CEP170: variants seen among roughly 807,000 people sequenced by gnomAD.
CEP170 encodes the protein centrosomal protein 170, also known as centrosomal protein of 170 kDa.
Under a neutral mutation model 151.9 loss-of-function variants are expected in CEP170, and 21 were observed. That is an observed-to-expected ratio of 0.14 (90% CI 0.10 to 0.20). The LOEUF (loss-of-function observed/expected upper bound fraction) is 0.20. Among genes scored for constraint, CEP170 ranks in the 10% least tolerant of loss-of-function variants. The probability of loss-of-function intolerance (pLI) is 1.00; values close to 1 mark genes in which losing one functional copy is unlikely to be tolerated. For missense variants in CEP170, 964 were observed against 1,892.9 expected, an observed-to-expected ratio of 0.51 and a Z score of 9.11; for synonymous variants, 356 against 648.8, an observed-to-expected ratio of 0.55 and a Z score of 6.86.
intron 19 of CEP170, among the ~76,000 whole-genome samples, chr1:243,127,983 A>C (rs1263607133): frequency 6.6e-6 from 1 of 152,222 alleles, no homozygotes; most frequent in Non-Finnish European, 1.5e-5. Context: ...ATACATAAAA[A>C]ATTTCAATTA....
At chr1:243,181,789 T>C (rs1333657464) in intron 10 of CEP170, among the ~76,000 whole-genome samples, 1 of 152,230 alleles carries the variant, frequency 6.6e-6, no homozygotes, top group Non-Finnish European at 1.5e-5. Context: ...ATGCTACATA[T>C]TCCTTTGGTT....
rs186119495 is a variant in CEP170, at chr1:243,135,590, T to C, written c.4319+553A>G. On this transcript the variant is annotated intron_variant, in intron 17 of 19. Coordinates refer to ENST00000366542, the MANE Select transcript of CEP170 (RefSeq NM_014812.3). ...TAACATGCCAAGTAAAATTTACCTA[T>C]ATAGGCCAACTTTCTACATTTCCTT... 2.3e-3 allele frequency among the ~76,000 whole-genome samples: 349 copies of C among 152,324 alleles called. 4 individuals are homozygous for C. The highest frequency in any genetic ancestry group is 8.2e-3 in the African/African-American group (339 of 41,578).
In CEP170 at chr1:243,211,795, T is replaced by C. The variant is rs577026583; in HGVS notation, c.274+91A>G. On this transcript the variant is annotated intron_variant, in intron 4 of 19. Transcript: ENST00000366542. The stretch of plus-strand genomic sequence containing the variant: ...ATAAATAGAAATTCTGGCATATCTA[T>C]ATTGTGAATTGTGTTTTAAAAATGT... 8.0e-4 allele frequency: 1,128 copies of C among 1,410,290 alleles called. 4 individuals carry two copies. The highest frequency in any genetic ancestry group is 9.3e-4 in the Non-Finnish European group (947 of 1,022,994). The allele number at this position is 1,410,290 out of a possible 1,614,324, so 87.4% of individuals were successfully genotyped here.
In CEP170 at chr1:243,217,485, AACATGTGT is replaced by A. The variant is rs571917102; in HGVS notation, c.195+4231_195+4238del. Among the ~76,000 whole-genome samples, 217 of 152,346 alleles carry A rather than the reference AACATGTGT, an allele frequency of 1.4e-3. 1 individual carries two copies. Among genetic ancestry groups the A allele is most frequent in the African/African-American group, 5.0e-3 (207 of 41,592 alleles). ...AATATTAAGCACCTGTTGTGTGTTG[AACATGTGT>A]ACTAGGCACTTTCAGAGATCGAGAA... is the stretch of plus-strand genomic sequence containing the variant. On this transcript the variant is annotated intron_variant, in intron 3 of 19. Transcript: ENST00000366542.
At chr1:243,192,350 C>T (rs1165358588) in intron 7 of CEP170, among the ~76,000 whole-genome samples, 2 of 152,014 alleles carry the variant, frequency 1.3e-5, no homozygotes, top group African/African-American at 2.4e-5. Context: ...TCTTCTGTTG[C>T]CTCAGAATCT....
chr1:243,218,436 A>G (rs1301707695), intron 3 of CEP170, among the ~76,000 whole-genome samples: 7 of 152,154 alleles, frequency 4.6e-5, no homozygotes, highest in South Asian at 4.2e-4. Context: ...AGAACCTTCA[A>G]TGGGTTTGCA....
chr1:243,180,998 G>A (rs1324121158), intron 10 of CEP170, among the ~76,000 whole-genome samples: 3 of 152,188 alleles, frequency 2.0e-5, no homozygotes, highest in Non-Finnish European at 4.4e-5. Flanking sequence ...TGAAATTTAT[G>A]AGGAGAAATA....
Position 243,196,980 on chromosome 1 carries a change from G to A in CEP170, c.631+2080C>T, listed in dbSNP as rs538422360. On this transcript the variant is annotated intron_variant, in intron 7 of 19. Transcript: ENST00000366542. ...CCACTCAAACAACTGGTAATGGGAC[G>A]TAAGGCTGACCATGGAAACTGGGAC... 4.6e-5 allele frequency among the ~76,000 whole-genome samples: 7 copies of A among 152,204 alleles called. No individual in the cohort carries two copies. In the South Asian group the frequency reaches 1.4e-3, roughly 32 times the overall value.
intron 3 of CEP170, among the ~76,000 whole-genome samples, chr1:243,217,852 G>T (rs1224005617): frequency 1.3e-5 from 2 of 152,202 alleles, no homozygotes; most frequent in African/African-American, 4.8e-5. Context: ...TAATCATCAA[G>T]ATCTTGGAGT....
At chr1:243,208,445 C>A (rs2789233) in intron 4 of CEP170, among the ~76,000 whole-genome samples, 1 of 152,330 alleles carries the variant, frequency 6.6e-6, no homozygotes, top group South Asian at 2.1e-4. Context: ...TAATGTCCTA[C>A]GAGAACTGAT....
intron 1 of CEP170, among the ~76,000 whole-genome samples, chr1:243,253,906 T>C (rs536270366): frequency 6.6e-6 from 1 of 152,234 alleles, no homozygotes; most frequent in South Asian, 2.1e-4. Flanking sequence ...AGAATAAAAA[T>C]GAGTTAACAA....
chr1:243,168,364 GC>G (rs2058590255), intron 12 of CEP170: 1 of 151,958 alleles, frequency 6.6e-6, no homozygotes, highest in Non-Finnish European at 1.5e-5. Context: ...ACAGATAAAA[GC>G]CACATACAAA....
At position 243,221,932 on chromosome 1, in the gene CEP170, T is replaced by A. The variant is rs1430543513; in HGVS notation, c.106-119A>T. On this transcript the variant is annotated intron_variant, in intron 2 of 19. Coordinates refer to ENST00000366542, the MANE Select transcript of CEP170 (RefSeq NM_014812.3). ...AAATATAGGGAAATATCAAAGTAAGTGTGGATTAAATGAGATTAAAACGGT... is the reference window on the plus strand; with the variant it reads ...AAATATAGGGAAATATCAAAGTAAGAGTGGATTAAATGAGATTAAAACGGT... 3 of 854,154 alleles carry A rather than the reference T, an allele frequency of 3.5e-6. No homozygotes were observed. The African/African-American group carries it at 5.3e-5, about 15-fold the overall frequency. 52.9% of individuals were successfully genotyped at this position (854,154 alleles called of 1,614,324 possible).
At chr1:243,134,039 T>C (rs1004621262) in intron 17 of CEP170, among the ~76,000 whole-genome samples, 12 of 152,208 alleles carry the variant, frequency 7.9e-5, no homozygotes, top group Non-Finnish European at 1.5e-5. Context: ...ATCTCATCAG[T>C]GTAACCAGTG....
Position 243,223,616 on chromosome 1 carries a change from C to G in CEP170, c.105+1560G>C, listed in dbSNP as rs191608111. Among the ~76,000 whole-genome samples the G allele has an allele frequency of 9.9e-5, 15 of 152,282 alleles. No homozygotes were observed. The East Asian group carries it at 1.2e-3, about 12-fold the overall frequency. On this transcript the variant is annotated intron_variant, in intron 2 of 19. Coordinates refer to ENST00000366542, the MANE Select transcript of CEP170 (RefSeq NM_014812.3). ...CACCTACAGCAAAAGACAGAGCACA[C>G]TTAAGACCTAAGAGAACAACAGAGT...
intron 3 of CEP170, among the ~76,000 whole-genome samples, chr1:243,213,107 ATTCTTTTTTTT>A (rs2061962096): frequency 6.6e-6 from 1 of 152,062 alleles, no homozygotes; most frequent in Non-Finnish European, 1.5e-5. Flanking sequence ...GGTATTTCAT[ATTCTTTTTTTT>A]TTCTTTTTTT....
intron 7 of CEP170, among the ~76,000 whole-genome samples, chr1:243,198,347 T>G (rs2060799327): frequency 6.6e-6 from 1 of 152,156 alleles, no homozygotes; most frequent in Admixed American, 6.6e-5. Flanking sequence ...AATGTGTTCC[T>G]TGACTATTAA....
At chr1:243,224,991 T>C (rs1182936530) in intron 2 of CEP170, among the ~76,000 whole-genome samples, 185 bp downstream of exon 2, 1 of 152,224 alleles carries the variant, frequency 6.6e-6, no homozygotes, top group Non-Finnish European at 1.5e-5. Context: ...CTAAATTGAA[T>C]CTTCAAGACT....
Position 243,191,065 on chromosome 1 carries a change from G to T in CEP170, c.1061C>A (p.Ser354Tyr), listed in dbSNP as rs1374282297. ...TGGAACATCACTTTTAATGCTTTTA[G>T]AATCCTCTTCTGTTCTTTCCCATAG... is the stretch of plus-strand genomic sequence containing the variant. ...QMLWERTEED[S>Y]KSIKSDVPVY... is the part of the protein sequence containing the mutation. Residue 354 changes from serine to tyrosine, a missense_variant, in exon 8 of 20, where the codon TCT becomes TAT. Physicochemically the swap from Ser to Tyr is moderately radical, Grantham distance 144. Coordinates refer to ENST00000366542, the MANE Select transcript of CEP170 (RefSeq NM_014812.3). 1.2e-6 allele frequency: 2 copies of T among 1,609,942 alleles called. No individual in the cohort carries two copies. Among genetic ancestry groups the T allele is most frequent in the Non-Finnish European group, 8.5e-7 (1 of 1,177,636 alleles).
Sources: allele counts gnomAD v4.1 joint callset (sites outside exome capture counted in the v4.1 genomes callset), GRCh38; gene constraint gnomAD v4.1.1; transcripts MANE v1.5; gene names NCBI Gene and HGNC (gene_info 2026-07-23, HGNC 2026-07-21).